Variants in RALYL observed in about 807,000 individuals in gnomAD.
RALYL encodes the protein RNA-binding Raly-like protein.
A neutral mutation model predicts 35.1 loss-of-function variants in RALYL; 29 were observed. The observed-to-expected ratio is 0.83, with a 90% CI of 0.61 to 1.13. The LOEUF is 1.13. Ranked by LOEUF, RALYL falls within the 50% of genes most tolerant of loss-of-function variation. The probability of loss-of-function intolerance (pLI) is 0.00; values close to 1 mark genes in which losing one functional copy is unlikely to be tolerated. For synonymous variants in RALYL, 120 were observed against 127.6 expected (o/e 0.94, Z 0.40); for missense variants, 359 against 360.4 (o/e 1.00, Z 0.03).
chr8:84,184,306 A>T lies in RALYL; in HGVS notation c.-142A>T, dbSNP rs1467870560. The T allele has an allele frequency of 6.6e-6, 1 of 151,662 alleles. No individual in the cohort carries two copies. Among genetic ancestry groups the T allele is most frequent in the Admixed American group, 6.6e-5 (1 of 15,154 alleles). 9.4% of individuals were successfully genotyped at this position (151,662 alleles called of 1,614,324 possible). On this transcript the variant is annotated 5_prime_UTR_variant, in exon 1 of 9. Coordinates refer to ENST00000521268, the MANE Select transcript of RALYL (RefSeq NM_173848.7). ...TTATTTCTCCCCCTTCCCTCCCCGT[A>T]AATCAATTTTCAAATGATGGCAGTG...
Position 84,184,565 on chromosome 8 carries a change from G to A in RALYL, c.-24+141G>A, listed in dbSNP as rs145704799. The A allele has an allele frequency of 2.8e-3, 478 of 172,972 alleles. 2 individuals carry two copies. Among genetic ancestry groups the A allele is most frequent in the African/African-American group, 0.011 (446 of 42,016 alleles). The allele number at this position is 172,972 out of a possible 1,614,324, so 10.7% of individuals were successfully genotyped here. A position where few individuals can be genotyped will look rare whatever the true frequency, so the allele number is the denominator to read the frequency against. ...GGGCAGTGTCCGAGCCCGAGGTGGG[G>A]AGAGCGGCGCAGGGAGCCAGGGAAA... is the stretch of plus-strand genomic sequence containing the variant. On this transcript the variant is annotated intron_variant, in intron 1 of 8. Coordinates refer to ENST00000521268, the MANE Select transcript of RALYL (RefSeq NM_173848.7).
chr8:84,480,359 G>T (rs1564006928), intron 1 of RALYL, among the ~76,000 whole-genome samples: 1 of 152,098 alleles, frequency 6.6e-6, no homozygotes, highest in African/African-American at 2.4e-5. Context: ...ACTGTACTTT[G>T]TGCTTCTAAT....
chr8:84,668,110 C>T (rs1045005425), intron 2 of RALYL, among the ~76,000 whole-genome samples: 12 of 152,092 alleles, frequency 7.9e-5, no homozygotes, highest in Admixed American at 3.3e-4. Context: ...AGCAGGCAAT[C>T]GTTTTATAAA....
chr8:84,333,327 A>G (rs915289901), intron 1 of RALYL, among the ~76,000 whole-genome samples: 3 of 152,136 alleles, frequency 2.0e-5, no homozygotes, highest in African/African-American at 7.2e-5. Flanking sequence ...GTTCTTTAAT[A>G]TTAGTGATCT....
In RALYL at chr8:84,887,692, T is replaced by C; in HGVS notation, c.774T>C (p.Pro258=). The C allele has an allele frequency of 6.2e-7, 1 of 1,613,846 alleles. No homozygotes were observed. Residue 258 remains proline, a synonymous_variant, in exon 8 of 9, where the codon CCT becomes CCC. Coordinates refer to ENST00000521268, the MANE Select transcript of RALYL (RefSeq NM_173848.7). ...TTGCAGATCACTCTACAGAGGAGCCTGCTGAAGGAGGGCCAGATGCCGATG... is the reference window on the plus strand; with the variant it reads ...TTGCAGATCACTCTACAGAGGAGCCCGCTGAAGGAGGGCCAGATGCCGATG... ...SEIADHSTEE[P]AEGGPDADGE...
chr8:84,614,225 T>C lies in RALYL; in HGVS notation c.256+84648T>C, dbSNP rs968680781. On this transcript the variant is annotated intron_variant, in intron 2 of 8. Transcript: ENST00000521268. ...CTGTTGCTGTTGTTATTAATATAAG[T>C]ACGAGTATCAGTATTACTCTCAGAA... Among the ~76,000 whole-genome samples, 12 of 151,600 alleles carry C rather than the reference T, an allele frequency of 7.9e-5. 1 individual carries two copies. The highest frequency in any genetic ancestry group is 3.9e-4 in the East Asian group (2 of 5,176).
At chr8:84,233,862 T>G (rs1446063119) in intron 1 of RALYL, among the ~76,000 whole-genome samples, 2 of 152,202 alleles carry the variant, frequency 1.3e-5, no homozygotes, top group Non-Finnish European at 2.9e-5. Flanking sequence ...ATGTTTCATC[T>G]TAGTCATTTT....
At chr8:84,805,047 A>T (rs1824264246) in intron 4 of RALYL, among the ~76,000 whole-genome samples, 1 of 152,228 alleles carries the variant, frequency 6.6e-6, no homozygotes, top group Non-Finnish European at 1.5e-5. Context: ...TAAACAAGGT[A>T]CACAGTGATC....
chr8:84,348,387 T>C (rs2131015621), intron 1 of RALYL, among the ~76,000 whole-genome samples: 1 of 152,232 alleles, frequency 6.6e-6, no homozygotes, highest in South Asian at 2.1e-4. Flanking sequence ...ATTTTCTACT[T>C]ACATTGTTGC....
rs145814237 is a variant in RALYL at position 84,450,836 on chromosome 8, C to T, written c.-23-78463C>T. On this transcript the variant is annotated intron_variant, in intron 1 of 8. Coordinates refer to ENST00000521268, the MANE Select transcript of RALYL (RefSeq NM_173848.7). Reference sequence around the variant, plus strand: ...TTTTCAAAAAGATTCCATCAAATTACTCAATATAACAGTTGCCAAATTTCA... The same window carrying T: ...TTTTCAAAAAGATTCCATCAAATTATTCAATATAACAGTTGCCAAATTTCA... Among the ~76,000 whole-genome samples, 442 of 151,986 alleles carry T rather than the reference C, an allele frequency of 2.9e-3. 1 individual carries two copies. The highest frequency in any genetic ancestry group is 0.01 in the African/African-American group (425 of 41,494).
In RALYL at chr8:84,881,789, A is replaced by G. The variant is rs188478489; in HGVS notation, c.686-5815A>G. ...TTAGCTAACTAGAACATGTGCCCCT[A>G]ACTAAACAGACTTCTTCATTCTTGA... On this transcript the variant is annotated intron_variant, in intron 7 of 8. Coordinates refer to ENST00000521268, the MANE Select transcript of RALYL (RefSeq NM_173848.7). Among the ~76,000 whole-genome samples, 24 of 152,046 alleles carry G rather than the reference A, an allele frequency of 1.6e-4. No individual in the cohort carries two copies. The East Asian group carries it at 4.2e-3, about 27-fold the overall frequency.
intron 4 of RALYL, among the ~76,000 whole-genome samples, chr8:84,812,299 C>T (rs999916546): frequency 2.0e-5 from 3 of 152,154 alleles, no homozygotes; most frequent in African/African-American, 7.2e-5. Flanking sequence ...CAAGTCCACC[C>T]AGCTCCAGTC....
At chr8:84,400,706 G>T (rs535782283) in intron 1 of RALYL, among the ~76,000 whole-genome samples, 12 of 152,168 alleles carry the variant, frequency 7.9e-5, no homozygotes, top group Admixed American at 6.5e-4. Flanking sequence ...GTAAATTTTG[G>T]ACATGAAAAT....
intron 1 of RALYL, among the ~76,000 whole-genome samples, chr8:84,270,812 G>C (rs1258285209): frequency 6.6e-6 from 1 of 151,972 alleles, no homozygotes; most frequent in Non-Finnish European, 1.5e-5. Flanking sequence ...ATTTTGTTCT[G>C]AGTCTAACAA....
chr8:84,462,906 C>T (rs941954570), intron 1 of RALYL, among the ~76,000 whole-genome samples: 1 of 151,764 alleles, frequency 6.6e-6, no homozygotes, highest in Admixed American at 6.6e-5. Context: ...AAGCAACCCA[C>T]CTTTGTTTTG....
intron 1 of RALYL, among the ~76,000 whole-genome samples, chr8:84,517,335 C>A (rs566271257): frequency 6.6e-6 from 1 of 152,228 alleles, no homozygotes; most frequent in East Asian, 1.9e-4. Flanking sequence ...TGGTGATACC[C>A]AAAGGCTAGG....
chr8:84,508,835 A>C (rs1473753426), intron 1 of RALYL, among the ~76,000 whole-genome samples: 1 of 131,912 alleles, frequency 7.6e-6, no homozygotes, highest in Non-Finnish European at 1.7e-5. Context: ...ATGATGCATT[A>C]TAAAAATTAT....
At chr8:84,527,937 T>A (rs1475463297) in intron 1 of RALYL, among the ~76,000 whole-genome samples, 1 of 152,162 alleles carries the variant, frequency 6.6e-6, no homozygotes, top group Non-Finnish European at 1.5e-5. Context: ...ATCCCAGATG[T>A]AATATTGAAC....
chr8:84,842,355 C>A (rs2134618355), intron 4 of RALYL, among the ~76,000 whole-genome samples: 1 of 152,302 alleles, frequency 6.6e-6, no homozygotes, highest in African/African-American at 2.4e-5. Flanking sequence ...CGCAAATAAA[C>A]TAGAAAATCT....
Sources: gnomAD v4.1 joint callset for allele counts (sites outside exome capture counted in the v4.1 genomes callset) on GRCh38, gnomAD v4.1.1 for gene constraint, MANE v1.5 for transcripts, NCBI Gene and HGNC (gene_info 2026-07-23, HGNC 2026-07-21) for gene names.